SMARCC1: variants seen among roughly 807,000 people sequenced by gnomAD.
SMARCC1 encodes the protein SWI/SNF complex subunit SMARCC1.
SMARCC1 carries 43 observed loss-of-function variants against 147.4 expected under a neutral mutation model. That is an observed-to-expected ratio of 0.29 (90% CI 0.23 to 0.38). SMARCC1 has a LOEUF of 0.38. SMARCC1 is among the 10% of genes least tolerant of loss of function. SMARCC1 has a pLI of 1.00. For synonymous variants in SMARCC1, 495 were observed against 484.4 expected (o/e 1.02, Z -0.29); for missense variants, 1,119 against 1,381.1 (o/e 0.81, Z 3.01).
At chr3:47,591,315 A>T (rs1036989445) in intron 26 of SMARCC1, among the ~76,000 whole-genome samples, 1 of 152,076 alleles carries the variant, frequency 6.6e-6, no homozygotes, top group African/African-American at 2.4e-5. Context: ...GGGTATTATT[A>T]CTGTGAAATC....
intron 10 of SMARCC1, 99 bp downstream of exon 10, chr3:47,706,310 G>T: frequency 5.2e-6 from 6 of 1,149,688 alleles, no homozygotes; most frequent in Non-Finnish European, 5.8e-6. Context: ...GACCTCAGTT[G>T]ATCTGCCCAC....
chr3:47,768,248 T>A (rs1242856211), intron 2 of SMARCC1, among the ~76,000 whole-genome samples: 1 of 152,222 alleles, frequency 6.6e-6, no homozygotes, highest in African/African-American at 2.4e-5. Flanking sequence ...CATCGAATTT[T>A]GTTTTATACC....
chr3:47,646,085 C>T (rs993307272), intron 21 of SMARCC1, among the ~76,000 whole-genome samples: 1 of 151,808 alleles, frequency 6.6e-6, no homozygotes, highest in Admixed American at 6.6e-5. Flanking sequence ...TTTGGGAGGC[C>T]GAGGCGTGAG....
intron 7 of SMARCC1, 97 bp downstream of exon 7, chr3:47,720,569 C>A: frequency 1.2e-6 from 1 of 849,770 alleles, no homozygotes; most frequent in Non-Finnish European, 1.9e-6. Context: ...AAACACAAAG[C>A]AACAAATTGT....
At chr3:47,758,254 C>T (rs1028082498) in intron 2 of SMARCC1, among the ~76,000 whole-genome samples, 2 of 151,888 alleles carry the variant, frequency 1.3e-5, no homozygotes, top group South Asian at 2.1e-4. Flanking sequence ...TAAGTAGCTC[C>T]AACCACAGGA....
intron 19 of SMARCC1, among the ~76,000 whole-genome samples, chr3:47,667,867 T>G (rs1011733149): frequency 6.6e-6 from 1 of 151,894 alleles, no homozygotes; most frequent in Non-Finnish European, 1.5e-5. Flanking sequence ...CAGAGTGAGA[T>G]TCCTTCTCAA....
In SMARCC1 at chr3:47,738,097, G is replaced by A. The variant is rs932680690; in HGVS notation, c.415C>T (p.Leu139=). The change falls in exon 4 of 28, where the codon CTA becomes TTA. Residue 139 remains leucine (L), a synonymous_variant. Transcript: ENST00000254480. ...KNEQGWRRFD[L]QNPSRMDRNV... ...CGATCCATTCGAGATGGGTTCTGTA[G>A]GTCAAACCTCCGCCTAAAAAAAAAG... is the stretch of plus-strand genomic sequence containing the variant. The A allele has an allele frequency of 1.9e-6, 3 of 1,568,134 alleles. No homozygotes were observed. Among genetic ancestry groups the A allele is most frequent in the Non-Finnish European group, 2.6e-6 (3 of 1,158,804 alleles).
chr3:47,680,244 C>A, intron 15 of SMARCC1, 193 bp downstream of exon 15: 1 of 496,754 alleles, frequency 2.0e-6, no homozygotes, highest in Non-Finnish European at 3.6e-6. Context: ...AAAAAAACCC[C>A]CCAAAACAAA....
chr3:47,618,436 C>T (rs1451494186), intron 25 of SMARCC1, among the ~76,000 whole-genome samples: 1 of 151,086 alleles, frequency 6.6e-6, no homozygotes, highest in Admixed American at 6.6e-5. Context: ...GTCTCAGCTG[C>T]TTGGGGAGGC....
chr3:47,623,469 T>G (rs1294809230), intron 24 of SMARCC1, among the ~76,000 whole-genome samples: 1 of 152,112 alleles, frequency 6.6e-6, no homozygotes, highest in African/African-American at 2.4e-5. Context: ...CATTTACAGT[T>G]GAAAACAAAA....
chr3:47,632,388 T>C (rs1180187145), intron 24 of SMARCC1, among the ~76,000 whole-genome samples: 4 of 152,156 alleles, frequency 2.6e-5, no homozygotes, highest in Admixed American at 2.6e-4. Flanking sequence ...TCCTCCTGCC[T>C]TGGCCTCCTA....
chr3:47,645,501 T>G (rs1277189154), intron 21 of SMARCC1, among the ~76,000 whole-genome samples: 1 of 152,226 alleles, frequency 6.6e-6, no homozygotes, highest in African/African-American at 2.4e-5. Context: ...GGTATCATTG[T>G]GCCACTGCCG....
In SMARCC1 at chr3:47,645,661, G is replaced by A. The variant is rs889003826; in HGVS notation, c.2321-6881C>T. Among the ~76,000 whole-genome samples the A allele has an allele frequency of 2.6e-5, 4 of 152,328 alleles. No homozygotes were observed. In the East Asian group the frequency reaches 7.7e-4, roughly 29 times the overall value. The stretch of plus-strand genomic sequence containing the variant: ...ATATGAATTAGGTCACCTTGACTGA[G>A]TTGGCTCAGAGACTGAATAAGTATA... On this transcript the variant is annotated intron_variant, in intron 21 of 27. Transcript: ENST00000254480.
At chr3:47,663,181 A>AGAGGG (rs1335397749) in intron 19 of SMARCC1, among the ~76,000 whole-genome samples, 2 of 47,382 alleles carry the variant, frequency 4.2e-5, no homozygotes, top group Non-Finnish European at 7.5e-5. Flanking sequence ...AGAGGAGGGG[A>AGAGGG]GAGGGGAGGG....
At chr3:47,615,518 C>A (rs1012919166) in intron 25 of SMARCC1, among the ~76,000 whole-genome samples, 4 of 152,252 alleles carry the variant, frequency 2.6e-5, no homozygotes, top group Middle Eastern at 3.4e-3. Flanking sequence ...CCATGACCTC[C>A]CCTTTCTCTG....
chr3:47,636,268 T>C, intron 22 of SMARCC1, 132 bp from the exon 23 acceptor site: 2 of 605,778 alleles, frequency 3.3e-6, no homozygotes, highest in East Asian at 5.5e-5. Flanking sequence ...AAAAGTGACT[T>C]GTAGAGAACA....
At chr3:47,723,116 C>A (rs2034252357) in intron 6 of SMARCC1, among the ~76,000 whole-genome samples, 1 of 152,102 alleles carries the variant, frequency 6.6e-6, no homozygotes, top group Admixed American at 6.6e-5. Context: ...GGTTGGTTTA[C>A]ATATGAAAGA....
intron 19 of SMARCC1, chr3:47,670,271 TA>T (rs2033478033): frequency 1.1e-5 from 2 of 180,874 alleles, no homozygotes; most frequent in Admixed American, 1.2e-4. Context: ...GGACACTTTT[TA>T]AAACAGAATA....
chr3:47,677,569 T>C (rs1472225542), intron 16 of SMARCC1, among the ~76,000 whole-genome samples: 3 of 151,848 alleles, frequency 2.0e-5, no homozygotes, highest in African/African-American at 4.8e-5. Context: ...TTTTTTTTTT[T>C]GAGACACAAT....
Sources: allele counts gnomAD v4.1 joint callset (sites outside exome capture counted in the v4.1 genomes callset), GRCh38; gene constraint gnomAD v4.1.1; transcripts MANE v1.5; gene names NCBI Gene and HGNC (gene_info 2026-07-23, HGNC 2026-07-21).